Variants in CDYL observed in about 807,000 individuals in gnomAD.
CDYL encodes chromodomain Y like.
Under a neutral mutation model 47.3 loss-of-function variants are expected in CDYL, and 8 were observed. That is an observed-to-expected ratio of 0.17 (90% CI 0.10 to 0.31). CDYL has a LOEUF of 0.31. CDYL is among the 10% of genes least tolerant of loss of function. The probability of loss-of-function intolerance (pLI) is 1.00; values close to 1 mark genes in which losing one functional copy is unlikely to be tolerated. For synonymous variants in CDYL, 266 were observed against 265.0 expected, an observed-to-expected ratio of 1.00 and a Z score of -0.04; for missense variants, 471 against 701.4, an observed-to-expected ratio of 0.67 and a Z score of 3.71.
chr6:4,902,186 G>A (rs999015171), intron 2 of CDYL, among the ~76,000 whole-genome samples: 2 of 151,874 alleles, frequency 1.3e-5, no homozygotes, highest in Non-Finnish European at 2.9e-5. Flanking sequence ...ATCAACTGAA[G>A]TCTGGAGTTC....
intron 1 of CDYL, among the ~76,000 whole-genome samples, chr6:4,800,589 T>A (rs547171685): frequency 1.3e-5 from 2 of 152,196 alleles, no homozygotes; most frequent in Admixed American, 6.5e-5. Context: ...GGACTAGAGA[T>A]CTTTCTTTAG....
chr6:4,751,275 G>A (rs971725954), intron 3 of CDYL, among the ~76,000 whole-genome samples: 2 of 152,100 alleles, frequency 1.3e-5, no homozygotes, highest in African/African-American at 2.4e-5. Flanking sequence ...CCCTGGAGTC[G>A]CAGCATCAGC....
At chr6:4,844,825 G>A (rs1760606883) in intron 1 of CDYL, among the ~76,000 whole-genome samples, 1 of 152,086 alleles carries the variant, frequency 6.6e-6, no homozygotes, top group African/African-American at 2.4e-5. Context: ...TTAATGAGAT[G>A]TGAAGTATTA....
chr6:4,816,878 G>A (rs111369963), intron 1 of CDYL, among the ~76,000 whole-genome samples: 8 of 152,260 alleles, frequency 5.3e-5, no homozygotes, highest in Non-Finnish European at 1.0e-4. Flanking sequence ...ATGTGTTTTA[G>A]CTGAGACAGT....
chr6:4,883,525 T>C (rs571294309), intron 1 of CDYL, among the ~76,000 whole-genome samples: 2 of 152,154 alleles, frequency 1.3e-5, no homozygotes, highest in Non-Finnish European at 2.9e-5. Flanking sequence ...CCACCCATAC[T>C]CATGGCCATG....
At chr6:4,720,696 A>T (rs1366024208) in intron 2 of CDYL, among the ~76,000 whole-genome samples, 1 of 152,240 alleles carries the variant, frequency 6.6e-6, no homozygotes, top group African/African-American at 2.4e-5. Flanking sequence ...AAGTAGATCA[A>T]GAAAATTAGT....
At chr6:4,882,365 C>T (rs1214247710) in intron 1 of CDYL, among the ~76,000 whole-genome samples, 1 of 152,152 alleles carries the variant, frequency 6.6e-6, no homozygotes, top group Non-Finnish European at 1.5e-5. Flanking sequence ...CACTTTGCTG[C>T]CTGCTAATGA....
chr6:4,854,810 A>T (rs957741016), intron 1 of CDYL, among the ~76,000 whole-genome samples: 1 of 152,174 alleles, frequency 6.6e-6, no homozygotes, highest in African/African-American at 2.4e-5. Flanking sequence ...GAAGCACCAC[A>T]CACCGATTTA....
chr6:4,765,294 G>A lies in CDYL; in HGVS notation c.186+30450G>A, dbSNP rs146855787. 3.3e-3 allele frequency among the ~76,000 whole-genome samples: 506 copies of A among 151,984 alleles called. 2 individuals carry two copies. Among genetic ancestry groups the A allele is most frequent in the Middle Eastern group, 0.01 (3 of 294 alleles). ...GCTGAGATCGCACCACTGTACTCCAGCCTTGGTGACAGAGGGAGACTTCGT... is the reference window on the plus strand; with the variant it reads ...GCTGAGATCGCACCACTGTACTCCAACCTTGGTGACAGAGGGAGACTTCGT... On this transcript the variant is annotated intron_variant, in intron 3 of 8. Coordinates refer to the CDYL transcript ENST00000328908.
chr6:4,918,037 C>G (rs772035872), intron 2 of CDYL, among the ~76,000 whole-genome samples: 5 of 152,122 alleles, frequency 3.3e-5, no homozygotes, highest in Non-Finnish European at 5.9e-5. Flanking sequence ...TTGAAATTAA[C>G]GGCCACACAC....
At chr6:4,879,022 G>T (rs957225179) in intron 1 of CDYL, among the ~76,000 whole-genome samples, 4 of 151,762 alleles carry the variant, frequency 2.6e-5, no homozygotes, top group Admixed American at 1.3e-4. Context: ...ATTGTTATTG[G>T]TGTCTAACTC....
chr6:4,829,515 G>C (rs567955934), intron 1 of CDYL, among the ~76,000 whole-genome samples: 1 of 152,300 alleles, frequency 6.6e-6, no homozygotes, highest in Non-Finnish European at 1.5e-5. Flanking sequence ...AAACTTCTCA[G>C]GTCTTTCTGA....
intron 2 of CDYL, among the ~76,000 whole-genome samples, chr6:4,893,377 C>G (rs1019845359): frequency 6.6e-6 from 1 of 152,206 alleles, no homozygotes; most frequent in Non-Finnish European, 1.5e-5. Context: ...TCCTCTCTCT[C>G]CCTTCTGAGT....
intron 1 of CDYL, among the ~76,000 whole-genome samples, chr6:4,830,748 C>T (rs1292875545): frequency 9.7e-6 from 1 of 103,438 alleles, no homozygotes; most frequent in Non-Finnish European, 1.8e-5. Context: ...TGCTATCCCT[C>T]CCCCCTCCCC....
chr6:4,847,699 C>G (rs954159601), intron 1 of CDYL, among the ~76,000 whole-genome samples: 2 of 152,306 alleles, frequency 1.3e-5, no homozygotes, highest in Middle Eastern at 3.4e-3. Flanking sequence ...GTGGTAATTT[C>G]AAATTTCATA....
intron 3 of CDYL, among the ~76,000 whole-genome samples, chr6:4,765,578 T>A (rs1393142722): frequency 6.6e-6 from 1 of 151,748 alleles, no homozygotes; most frequent in Non-Finnish European, 1.5e-5. Context: ...GTTTTTTTTT[T>A]TTTGATACAG....
intron 1 of CDYL, among the ~76,000 whole-genome samples, chr6:4,868,512 G>C (rs1374361337): frequency 6.6e-6 from 1 of 151,966 alleles, no homozygotes; most frequent in Non-Finnish European, 1.5e-5. Flanking sequence ...GTCCAGGTAA[G>C]GATCTTTTTA....
At chr6:4,919,028 A>G (rs906308851) in intron 2 of CDYL, among the ~76,000 whole-genome samples, 2 of 152,224 alleles carry the variant, frequency 1.3e-5, no homozygotes, top group Non-Finnish European at 2.9e-5. Flanking sequence ...GACTGTCTCT[A>G]GTTGAAACCT....
chr6:4,927,875 A>G lies in CDYL; in HGVS notation c.692-7640A>G, dbSNP rs530087628. ...TATGTTTAAGCTCTTCTCCGTCTAG[A>G]AACTTTACATGTTCTATTATGCTTT... On this transcript the variant is annotated intron_variant, in intron 2 of 6. Transcript: ENST00000397588. Among the ~76,000 whole-genome samples the G allele has an allele frequency of 1.2e-4, 18 of 152,250 alleles. No homozygotes were observed. In the South Asian group the frequency reaches 3.5e-3, roughly 30 times the overall value.
Sources: gnomAD v4.1 joint callset for allele counts (sites outside exome capture counted in the v4.1 genomes callset) on GRCh38, gnomAD v4.1.1 for gene constraint, MANE v1.5 for transcripts, NCBI Gene and HGNC (gene_info 2026-07-23, HGNC 2026-07-21) for gene names.